Variants in SCMH1 observed in about 807,000 individuals in gnomAD.
SCMH1 encodes the protein Scm polycomb group protein homolog 1.
Under a neutral mutation model 70.8 loss-of-function variants are expected in SCMH1, and 37 were observed. That is an observed-to-expected ratio of 0.52 (90% CI 0.40 to 0.69). The LOEUF is 0.69. SCMH1 is among the 30% of genes least tolerant of loss of function. The pLI, the probability that SCMH1 is intolerant of heterozygous loss-of-function variation, is 0.00. For synonymous variants in SCMH1, 292 were observed against 307.4 expected (o/e 0.95, Z 0.52); for missense variants, 607 against 827.3 (o/e 0.73, Z 3.27).
chr1:41,179,292 C>T (rs1037829708), intron 2 of SCMH1, among the ~76,000 whole-genome samples: 3 of 149,984 alleles, frequency 2.0e-5, no homozygotes, highest in Admixed American at 1.3e-4. Context: ...AGGAAAGATC[C>T]AAAATTAAAA....
chr1:41,055,967 T>C (rs977753807), intron 10 of SCMH1, among the ~76,000 whole-genome samples: 4 of 152,218 alleles, frequency 2.6e-5, no homozygotes, highest in African/African-American at 9.6e-5. Flanking sequence ...GGAAAAAATG[T>C]TAATAATCCA....
chr1:41,201,958 G>C (rs1190907195), intron 1 of SCMH1, among the ~76,000 whole-genome samples: 1 of 152,164 alleles, frequency 6.6e-6, no homozygotes, highest in Non-Finnish European at 1.5e-5. Context: ...TGCAAGCACA[G>C]AACTAGCAGG....
intron 8 of SCMH1, among the ~76,000 whole-genome samples, chr1:41,076,899 G>A (rs1051983482): frequency 1.3e-5 from 2 of 152,100 alleles, no homozygotes; most frequent in African/African-American, 4.8e-5. Context: ...AATATAAAGG[G>A]AAGCCACTAG....
intron 2 of SCMH1, among the ~76,000 whole-genome samples, chr1:41,172,072 G>A (rs1045762479): frequency 4.6e-5 from 7 of 151,666 alleles, no homozygotes; most frequent in African/African-American, 1.7e-4. Flanking sequence ...CATGCCTGTG[G>A]TCCCAACTAC....
intron 8 of SCMH1, among the ~76,000 whole-genome samples, chr1:41,093,562 T>C (rs2149044378): frequency 6.6e-6 from 1 of 152,300 alleles, no homozygotes; most frequent in African/African-American, 2.4e-5. Flanking sequence ...GTTGAAATAA[T>C]ACTAATAAAC....
chr1:41,095,004 C>T (rs1296047037), intron 8 of SCMH1, among the ~76,000 whole-genome samples: 1 of 152,166 alleles, frequency 6.6e-6, no homozygotes, highest in Admixed American at 6.5e-5. Context: ...CCCATCACCC[C>T]CAAACCCCTG....
rs1669820732 is a variant in SCMH1 at position 41,113,889 on chromosome 1, T to A, written c.502-363A>T. On this transcript the variant is annotated intron_variant, in intron 7 of 14. Transcript: ENST00000337495. This position sits in a 1 kb window ranked among gnomAD's most constrained non-coding sequence, Gnocchi z 4.3. ...TATACATACATACCCATTTGCCTGC[T>A]TTTAAATTTTATATAAATGGTATTA... Among the ~76,000 whole-genome samples, 1 of 152,200 alleles carries A rather than the reference T, an allele frequency of 6.6e-6. No individual in the cohort carries two copies.
chr1:41,100,273 A>C (rs1666211583), intron 8 of SCMH1, among the ~76,000 whole-genome samples: 1 of 152,166 alleles, frequency 6.6e-6, no homozygotes. Flanking sequence ...AGCACTTTCC[A>C]CTTAGCCTGG....
At chr1:41,111,392 T>C (rs1239349298) in intron 8 of SCMH1, among the ~76,000 whole-genome samples, 1 of 152,210 alleles carries the variant, frequency 6.6e-6, no homozygotes, top group Non-Finnish European at 1.5e-5. Flanking sequence ...CAGGCTGCAG[T>C]GTATTGGTGC....
chr1:41,208,485 A>G (rs1557828836), intron 1 of SCMH1, among the ~76,000 whole-genome samples: 1 of 151,988 alleles, frequency 6.6e-6, no homozygotes, highest in Non-Finnish European at 1.5e-5. Flanking sequence ...GAAGTAAAGC[A>G]CTCCTCAGCA....
intron 12 of SCMH1, chr1:41,043,823 A>G (rs561878481): frequency 2.6e-5 from 4 of 152,256 alleles, no homozygotes; most frequent in Non-Finnish European, 5.9e-5. Context: ...GTATTTAAGG[A>G]TAAAATCTCT....
At chr1:41,238,626 T>C (rs934168553) in intron 1 of SCMH1, among the ~76,000 whole-genome samples, 41 of 152,198 alleles carry the variant, frequency 2.7e-4, no homozygotes, top group Admixed American at 4.6e-4. Flanking sequence ...CTTCACTCTC[T>C]ACACAGATGA....
At chr1:41,124,577 T>C (rs1672718339) in intron 6 of SCMH1, among the ~76,000 whole-genome samples, 1 of 149,724 alleles carries the variant, frequency 6.7e-6, no homozygotes, top group Non-Finnish European at 1.5e-5. Flanking sequence ...ATAATTACAT[T>C]CATGCTGAAG....
chr1:41,230,160 G>C (rs553505579), intron 1 of SCMH1, among the ~76,000 whole-genome samples: 1 of 152,174 alleles, frequency 6.6e-6, no homozygotes, highest in African/African-American at 2.4e-5. Flanking sequence ...GATATGATCT[G>C]ATCTGTGGTG....
At chr1:41,224,506 C>G (rs550210829) in intron 1 of SCMH1, among the ~76,000 whole-genome samples, 1 of 152,094 alleles carries the variant, frequency 6.6e-6, no homozygotes, top group South Asian at 2.1e-4. Flanking sequence ...ACTATTAAAC[C>G]CTAATTCAGG....
In SCMH1 at chr1:41,036,285, T is replaced by C. The variant is rs538116827; in HGVS notation, c.1678+1077A>G. Among the ~76,000 whole-genome samples the C allele has an allele frequency of 2.6e-5, 4 of 152,336 alleles. No homozygotes were observed. In the South Asian group the frequency reaches 8.3e-4, roughly 32 times the overall value. On this transcript the variant is annotated intron_variant, in intron 13 of 14. Transcript: ENST00000337495. ...GCCACTGCCTGTTAGATGTCATCTA[T>C]ATGACCATGGGCTCCCCCACCTTCC...
chr1:41,028,655 C>G, exon 14 of SCMH1: 2 of 1,614,148 alleles, frequency 1.2e-6, no homozygotes, highest in Non-Finnish European at 8.5e-7. Context: ...ATCACATCCT[C>G]GACTGTCCAT....
intron 4 of SCMH1, among the ~76,000 whole-genome samples, chr1:41,154,927 G>A (rs1387684180): frequency 6.6e-6 from 1 of 152,066 alleles, no homozygotes; most frequent in South Asian, 2.1e-4. Flanking sequence ...TTACATGCTG[G>A]TATATGATGA....
intron 6 of SCMH1, among the ~76,000 whole-genome samples, chr1:41,134,453 G>T (rs1399642676): frequency 6.6e-6 from 1 of 152,152 alleles, no homozygotes; most frequent in African/African-American, 2.4e-5. Flanking sequence ...GCAAGAGAAA[G>T]AAATAAAGGG....
Sources: gnomAD v4.1 joint callset for allele counts (sites outside exome capture counted in the v4.1 genomes callset) on GRCh38, gnomAD v4.1.1 for gene constraint, Gnocchi (gnomAD v3.1) non-coding constraint, MANE v1.5 for transcripts, NCBI Gene and HGNC (gene_info 2026-07-23, HGNC 2026-07-21) for gene names.